The following DPP10 variants were observed in gnomAD, a reference collection of about 807,000 sequenced individuals.
The protein encoded by DPP10 is dipeptidyl peptidase like 10, also known as inactive dipeptidyl peptidase 10.
Under a neutral mutation model 120.9 loss-of-function variants are expected in DPP10, and 33 were observed. The observed-to-expected ratio is 0.27, with a 90% CI of 0.21 to 0.37. The LOEUF is 0.37. Among genes scored for constraint, DPP10 ranks in the 10% least tolerant of loss-of-function variants. The pLI is 1.00. For missense variants in DPP10, 816 were observed against 942.8 expected, an observed-to-expected ratio of 0.87 and a Z score of 1.76; for synonymous variants, 337 against 326.1, an observed-to-expected ratio of 1.03 and a Z score of -0.36.
chr2:115,117,807 G>C (rs1337287483), intron 1 of DPP10, among the ~76,000 whole-genome samples: 2 of 152,110 alleles, frequency 1.3e-5, no homozygotes, highest in Non-Finnish European at 2.9e-5. Context: ...AACCTTAAGG[G>C]TCGGGGAGGG....
At position 114,956,333 on chromosome 2, in the gene DPP10, C is replaced by T. The variant is rs1483616139; in HGVS notation, c.61-352906C>T. 2.0e-5 allele frequency among the ~76,000 whole-genome samples: 3 copies of T among 150,644 alleles called. No individual in the cohort carries two copies. In the East Asian group the frequency reaches 5.9e-4, roughly 30 times the overall value. The stretch of plus-strand genomic sequence containing the variant: ...GAAAACCAAATTAAGAAATCTATCC[C>T]ATTTACAGTAGAATAAAGAATAAAT... On this transcript the variant is annotated intron_variant, in intron 1 of 25. Transcript: ENST00000410059.
At chr2:114,947,978 C>G (rs1001185085) in intron 1 of DPP10, among the ~76,000 whole-genome samples, 2 of 151,924 alleles carry the variant, frequency 1.3e-5, no homozygotes, top group Non-Finnish European at 2.9e-5. Flanking sequence ...TCTTATAGCT[C>G]TCTTTAGTTT....
At chr2:115,027,948 G>A (rs1703581479) in intron 1 of DPP10, among the ~76,000 whole-genome samples, 1 of 151,874 alleles carries the variant, frequency 6.6e-6, no homozygotes, top group South Asian at 2.1e-4. Flanking sequence ...GTAGTTAGTT[G>A]TTATGTCTCC....
At chr2:114,882,470 C>T (rs368334096) in intron 1 of DPP10, among the ~76,000 whole-genome samples, 3 of 141,988 alleles carry the variant, frequency 2.1e-5, no homozygotes, top group African/African-American at 7.7e-5. Flanking sequence ...GATGTAAAGG[C>T]ATAAGAATAA....
intron 1 of DPP10, among the ~76,000 whole-genome samples, chr2:115,125,546 T>G (rs1429505204): frequency 6.7e-6 from 1 of 149,516 alleles, no homozygotes. Context: ...GTGAGCCACC[T>G]AAGTTCAATA....
At chr2:114,919,654 T>C (rs1005753072) in intron 1 of DPP10, among the ~76,000 whole-genome samples, 3 of 152,202 alleles carry the variant, frequency 2.0e-5, no homozygotes, top group African/African-American at 7.2e-5. Flanking sequence ...TTTGCAGACA[T>C]CAACAGTTCT....
intron 1 of DPP10, among the ~76,000 whole-genome samples, chr2:115,116,638 T>A (rs1388806246): frequency 5.9e-5 from 9 of 152,182 alleles, no homozygotes; most frequent in Non-Finnish European, 1.3e-4. Context: ...GAGAAAACCT[T>A]GTCCAAGCCA....
At chr2:115,147,560 T>C (rs930566647) in intron 1 of DPP10, among the ~76,000 whole-genome samples, 2 of 152,132 alleles carry the variant, frequency 1.3e-5, no homozygotes, top group Admixed American at 1.3e-4. Context: ...ACATTATACT[T>C]TCAATAAATG....
At chr2:115,029,657 A>G (rs1703707942) in intron 1 of DPP10, among the ~76,000 whole-genome samples, 1 of 151,802 alleles carries the variant, frequency 6.6e-6, no homozygotes, top group African/African-American at 2.4e-5. Context: ...TTGCTTAGAG[A>G]TTATTTGTAA....
chr2:115,712,642 T>A (rs1412259435), intron 7 of DPP10, among the ~76,000 whole-genome samples: 1 of 145,814 alleles, frequency 6.9e-6, no homozygotes, highest in African/African-American at 2.5e-5. Flanking sequence ...GCAACTTTTT[T>A]CTGTAAAGAA....
intron 7 of DPP10, among the ~76,000 whole-genome samples, chr2:115,701,628 G>T (rs957315264): frequency 1.3e-5 from 2 of 152,032 alleles, no homozygotes; most frequent in African/African-American, 4.8e-5. Context: ...TAAAACTTTT[G>T]TGCATCAAGA....
chr2:115,523,916 A>C (rs1384642972), intron 4 of DPP10, among the ~76,000 whole-genome samples: 1 of 152,132 alleles, frequency 6.6e-6, no homozygotes. Context: ...CTAAAAAACA[A>C]AATTCTTGAC....
chr2:115,468,063 G>A (rs1172825963), intron 3 of DPP10: 2 of 409,296 alleles, frequency 4.9e-6, no homozygotes, highest in Admixed American at 2.9e-5. Flanking sequence ...ACAATGTCTG[G>A]AACCTGCGAT....
intron 1 of DPP10, among the ~76,000 whole-genome samples, chr2:115,242,733 G>T (rs1307537504): frequency 5.5e-5 from 8 of 145,288 alleles, no homozygotes; most frequent in African/African-American, 1.8e-4. Context: ...TTGCATTTTT[G>T]GTTTTGATTG....
chr2:115,099,923 A>G (rs913240876), intron 1 of DPP10, among the ~76,000 whole-genome samples: 3 of 152,230 alleles, frequency 2.0e-5, no homozygotes, highest in Non-Finnish European at 4.4e-5. Flanking sequence ...ATAAGATCTA[A>G]CATATGACAT....
At chr2:115,602,245 GAC>G (rs1419423282) in intron 5 of DPP10, among the ~76,000 whole-genome samples, 5 of 152,218 alleles carry the variant, frequency 3.3e-5, no homozygotes, top group Admixed American at 6.5e-5. Context: ...AGAACTATCA[GAC>G]ACAGTCTCTG....
intron 3 of DPP10, among the ~76,000 whole-genome samples, chr2:115,414,286 A>G (rs2069190679): frequency 6.6e-6 from 1 of 152,168 alleles, no homozygotes; most frequent in Non-Finnish European, 1.5e-5. Flanking sequence ...TGCCAAGATT[A>G]CAAAAAAATG....
At chr2:114,489,316 T>C (rs1681780554) in intron 1 of DPP10, among the ~76,000 whole-genome samples, 1 of 152,050 alleles carries the variant, frequency 6.6e-6, no homozygotes, top group Non-Finnish European at 1.5e-5. Flanking sequence ...GCACAGCCCT[T>C]GGGCCAAGTT....
At chr2:115,286,807 C>G (rs766826003) in intron 1 of DPP10, among the ~76,000 whole-genome samples, 2 of 151,504 alleles carry the variant, frequency 1.3e-5, no homozygotes, top group Non-Finnish European at 1.5e-5. Flanking sequence ...GAGAAAGTGT[C>G]TAATTTAGAT....
Sources: gnomAD v4.1 joint callset for allele counts (sites outside exome capture counted in the v4.1 genomes callset) on GRCh38, gnomAD v4.1.1 for gene constraint, MANE v1.5 for transcripts, NCBI Gene and HGNC (gene_info 2026-07-23, HGNC 2026-07-21) for gene names.